AGBL4: variants seen among roughly 807,000 people sequenced by gnomAD.
AGBL4 encodes the protein AGBL carboxypeptidase 4.
In AGBL4, 58 loss-of-function variants were observed where a neutral mutation model predicts 66.4. The observed-to-expected ratio is 0.87, with a 90% CI of 0.71 to 1.09. AGBL4 has a LOEUF of 1.09. Among genes scored for constraint, AGBL4 ranks in the 50% least tolerant of loss-of-function variants. AGBL4 has a pLI of 0.00. For synonymous variants in AGBL4, 234 were observed against 222.9 expected (o/e 1.05, Z -0.44); for missense variants, 579 against 631.0 (o/e 0.92, Z 0.88).
intron 6 of AGBL4, among the ~76,000 whole-genome samples, chr1:48,668,722 G>A (rs543425841): frequency 9.7e-4 from 147 of 152,292 alleles, no homozygotes; most frequent in Non-Finnish European, 1.9e-3. Context: ...TGGTGTTAAT[G>A]TTGCTGTGTT....
At chr1:49,829,610 C>T (rs1645603235) in intron 2 of AGBL4, among the ~76,000 whole-genome samples, 1 of 152,120 alleles carries the variant, frequency 6.6e-6, no homozygotes, top group Non-Finnish European at 1.5e-5. Flanking sequence ...TCATCTCACA[C>T]ATAATTAAAT....
At chr1:48,801,622 C>G (rs187814283) in intron 6 of AGBL4, among the ~76,000 whole-genome samples, 215 of 152,290 alleles carry the variant, frequency 1.4e-3, no homozygotes, top group African/African-American at 4.9e-3. Context: ...CTTCTGTGTT[C>G]TGGATTTTCA....
intron 6 of AGBL4, among the ~76,000 whole-genome samples, chr1:48,704,277 G>T (rs553192309): frequency 6.6e-6 from 1 of 152,302 alleles, no homozygotes; most frequent in East Asian, 1.9e-4. Flanking sequence ...AAGAACTGGC[G>T]GTGGTGAGCG....
intron 1 of AGBL4, among the ~76,000 whole-genome samples, chr1:50,002,595 T>G (rs902623107): frequency 1.4e-4 from 22 of 151,750 alleles, no homozygotes; most frequent in African/African-American, 5.3e-4. Flanking sequence ...GGTCTCGATC[T>G]CCTGACCTCG....
At chr1:49,098,929 C>G (rs549170411) in intron 4 of AGBL4, among the ~76,000 whole-genome samples, 1 of 152,268 alleles carries the variant, frequency 6.6e-6, no homozygotes, top group South Asian at 2.1e-4. Flanking sequence ...TGCTGTGTGT[C>G]TGTTTTGCTA....
At chr1:48,622,185 C>T (rs1399857228) in intron 9 of AGBL4, among the ~76,000 whole-genome samples, 1 of 152,164 alleles carries the variant, frequency 6.6e-6, no homozygotes, top group Non-Finnish European at 1.5e-5. Context: ...TGCCTAATAC[C>T]TGTGTCCTCA....
intron 1 of AGBL4, among the ~76,000 whole-genome samples, chr1:49,979,552 T>C (rs1658887660): frequency 6.6e-6 from 1 of 152,028 alleles, no homozygotes; most frequent in Admixed American, 6.5e-5. Context: ...AAAAATGCAG[T>C]GTTAAATCAT....
chr1:49,746,350 T>C (rs1379732490), intron 2 of AGBL4, among the ~76,000 whole-genome samples: 3 of 152,060 alleles, frequency 2.0e-5, no homozygotes, highest in Non-Finnish European at 4.4e-5. Context: ...ATAACCATCA[T>C]ATTCATATCT....
chr1:48,976,255 T>A (rs988816098), intron 5 of AGBL4, among the ~76,000 whole-genome samples: 6 of 152,298 alleles, frequency 3.9e-5, no homozygotes, highest in Non-Finnish European at 7.4e-5. Context: ...TTAGTCTCCT[T>A]ATCCAGACTT....
intron 3 of AGBL4, among the ~76,000 whole-genome samples, chr1:49,695,539 G>T (rs1005048805): frequency 5.3e-5 from 8 of 152,058 alleles, no homozygotes; most frequent in Non-Finnish European, 1.0e-4. Context: ...TAAAGAGAGG[G>T]TTTTCCTAAG....
chr1:48,561,814 C>A (rs1216289974), intron 11 of AGBL4, among the ~76,000 whole-genome samples: 2 of 152,172 alleles, frequency 1.3e-5, no homozygotes, highest in Non-Finnish European at 2.9e-5. Flanking sequence ...ATCAGCTCTC[C>A]TGTTTCTCAG....
intron 4 of AGBL4, among the ~76,000 whole-genome samples, chr1:49,204,351 G>T (rs1429585859): frequency 1.3e-5 from 2 of 151,904 alleles, no homozygotes; most frequent in Admixed American, 1.3e-4. Flanking sequence ...GCTCACTGCA[G>T]CCTTGAATTC....
chr1:48,626,739 A>G (rs1645509420), intron 9 of AGBL4, among the ~76,000 whole-genome samples: 1 of 152,170 alleles, frequency 6.6e-6, no homozygotes, highest in African/African-American at 2.4e-5. Context: ...ACTGCCACAC[A>G]GTTTCAGCTG....
intron 8 of AGBL4, among the ~76,000 whole-genome samples, chr1:48,642,021 A>G (rs1479738197): frequency 1.3e-5 from 2 of 152,158 alleles, no homozygotes; most frequent in Non-Finnish European, 2.9e-5. Flanking sequence ...AGTTGCAATC[A>G]GGTGCCATTT....
chr1:49,131,297 C>G (rs889570477), intron 4 of AGBL4, among the ~76,000 whole-genome samples: 2 of 152,010 alleles, frequency 1.3e-5, no homozygotes, highest in African/African-American at 4.8e-5. Context: ...TAAAAATATT[C>G]TATCTTGATT....
chr1:48,559,132 C>T (rs1292551866), intron 11 of AGBL4, among the ~76,000 whole-genome samples: 4 of 152,054 alleles, frequency 2.6e-5, no homozygotes, highest in Non-Finnish European at 5.9e-5. Flanking sequence ...AATTCAAGTC[C>T]CTGGGAATCA....
At chr1:49,303,741 G>C (rs1644798968) in intron 3 of AGBL4, among the ~76,000 whole-genome samples, 1 of 151,994 alleles carries the variant, frequency 6.6e-6, no homozygotes, top group Non-Finnish European at 1.5e-5. Flanking sequence ...CTCCCAAAGT[G>C]GTGGGATTAG....
intron 3 of AGBL4, among the ~76,000 whole-genome samples, chr1:49,307,186 T>C (rs759403481): frequency 1.3e-5 from 2 of 152,192 alleles, no homozygotes; most frequent in Non-Finnish European, 2.9e-5. Context: ...ATTTGGAAAG[T>C]CTGGCCCTTT....
chr1:49,777,307 A>G (rs948486420), intron 2 of AGBL4, among the ~76,000 whole-genome samples: 8 of 152,190 alleles, frequency 5.3e-5, no homozygotes, highest in African/African-American at 1.9e-4. Flanking sequence ...CCTTGCAAAC[A>G]GTACTTTTGT....
Sources: allele counts gnomAD v4.1 joint callset (sites outside exome capture counted in the v4.1 genomes callset), GRCh38; gene constraint gnomAD v4.1.1; transcripts MANE v1.5; gene names NCBI Gene and HGNC (gene_info 2026-07-23, HGNC 2026-07-21).